The following BRD4 variants were observed in gnomAD, a reference collection of about 807,000 sequenced individuals.
BRD4 encodes bromodomain containing 4.
Under a neutral mutation model 142.1 loss-of-function variants are expected in BRD4, and 16 were observed. The ratio of observed to expected loss-of-function variants is 0.11; its 90% CI spans 0.08 to 0.17. The LOEUF (loss-of-function observed/expected upper bound fraction) is 0.17, where lower values mean the gene tolerates loss of function less well. Among genes scored for constraint, BRD4 ranks in the 10% least tolerant of loss-of-function variants. BRD4 has a pLI of 1.00. For synonymous variants in BRD4, 833 were observed against 707.5 expected (o/e 1.18, Z -2.82); for missense variants, 1,424 against 1,810.9 (o/e 0.79, Z 3.88).
At chr19:15,248,555 G>A in intron 11 of BRD4, 1 of 224,580 alleles carries the variant, frequency 4.5e-6, no homozygotes, top group Admixed American at 5.7e-5. Context: ...GAAGACGGAG[G>A]CCAAAGAAAC....
At chr19:15,319,097 CAAAG>C (rs1355926259) in intron 1 of BRD4, among the ~76,000 whole-genome samples, 4 of 152,146 alleles carry the variant, frequency 2.6e-5, no homozygotes, top group Non-Finnish European at 4.4e-5. Flanking sequence ...GTCTGGGAGA[CAAAG>C]AAGGCAGGAG....
In BRD4 at chr19:15,263,462, G is replaced by A. The variant is rs977793479; in HGVS notation, c.1299C>T (p.Asn433=). 3 of 1,614,102 alleles carry A rather than the reference G, an allele frequency of 1.9e-6. No homozygotes were observed. Among genetic ancestry groups the A allele is most frequent in the Non-Finnish European group, 2.5e-6 (3 of 1,180,042 alleles). The change falls in exon 7 of 20, where the codon AAC becomes AAT. Residue 433 remains asparagine (N), a synonymous_variant. Transcript: ENST00000679869. ...TGGCCACCACCTCATGGTCAGGAGG[G>A]TTGTACTTATAGCAGTTGGAGAACA... ...RLMFSNCYKY[N]PPDHEVVAMA... is the part of the protein sequence containing the mutation.
chr19:15,244,941 G>C (rs2047272679), intron 11 of BRD4, 179 bp from the exon 12 acceptor site: 10 of 1,117,956 alleles, frequency 8.9e-6, no homozygotes, highest in Admixed American at 8.1e-5. Context: ...AGACATGCGA[G>C]GCATCACCTA....
At chr19:15,293,921 T>G (rs988688064) in intron 1 of BRD4, among the ~76,000 whole-genome samples, 1 of 152,200 alleles carries the variant, frequency 6.6e-6, no homozygotes, top group Non-Finnish European at 1.5e-5. Flanking sequence ...GTCTGACTTC[T>G]TTCTCTTAGC....
intron 1 of BRD4, among the ~76,000 whole-genome samples, chr19:15,326,762 C>A (rs2048111761): frequency 6.6e-6 from 1 of 152,194 alleles, no homozygotes; most frequent in Non-Finnish European, 1.5e-5. Flanking sequence ...GGCTGCTCTG[C>A]CCTCACCCTG....
intron 1 of BRD4, among the ~76,000 whole-genome samples, chr19:15,325,886 T>A (rs35436857): frequency 6.7e-6 from 1 of 148,346 alleles, no homozygotes; most frequent in Non-Finnish European, 1.5e-5. Context: ...TAATCCTAGC[T>A]ACTAAGGAGG....
At chr19:15,287,021 A>C (rs1282717534) in intron 1 of BRD4, among the ~76,000 whole-genome samples, 7 of 152,210 alleles carry the variant, frequency 4.6e-5, no homozygotes, top group Non-Finnish European at 5.9e-5. Flanking sequence ...TTCCACACCT[A>C]CCACTTTTAT....
Position 15,238,574 on chromosome 19 carries a change from C to A in BRD4, c.4021-129G>T, listed in dbSNP as rs549457590. The A allele has an allele frequency of 2.6e-6, 4 of 1,528,206 alleles. No individual in the cohort carries two copies. In the Admixed American group the frequency reaches 6.1e-5, roughly 23 times the overall value. The allele number at this position is 1,528,206 out of a possible 1,614,324, so 94.7% of individuals were successfully genotyped here. On this transcript the variant is annotated intron_variant, in intron 19 of 19. Coordinates refer to ENST00000679869, the MANE Select transcript of BRD4 (RefSeq NM_001379291.1). This position sits in a 1 kb window ranked among gnomAD's most constrained non-coding sequence, Gnocchi z 7.2. ...GGCTGACCCCTCATAGCGCTCACCC[C>A]GTCCACACAGCACTCAGGGCCCTAC...
At chr19:15,322,269 T>TA (rs2144995797) in intron 1 of BRD4, among the ~76,000 whole-genome samples, 2 of 152,254 alleles carry the variant, frequency 1.3e-5, no homozygotes, top group South Asian at 4.1e-4. Context: ...GGTTTTGTTT[T>TA]GTTTTGTTTT....
intron 1 of BRD4, among the ~76,000 whole-genome samples, chr19:15,303,502 G>C (rs568311963): frequency 1.3e-5 from 2 of 152,284 alleles, no homozygotes; most frequent in South Asian, 4.2e-4. Flanking sequence ...GAGGAGAAAA[G>C]TAGCCTTAAA....
intron 1 of BRD4, among the ~76,000 whole-genome samples, chr19:15,318,529 G>A (rs1568411053): frequency 6.6e-6 from 1 of 152,188 alleles, no homozygotes; most frequent in Non-Finnish European, 1.5e-5. Context: ...CTGAAGAATG[G>A]TAGTTTCCCA....
intron 1 of BRD4, among the ~76,000 whole-genome samples, chr19:15,299,618 T>TAG (rs1174216444): frequency 1.3e-5 from 2 of 152,192 alleles, no homozygotes; most frequent in Non-Finnish European, 2.9e-5. Flanking sequence ...TGGACACATG[T>TAG]AGAGACACAC....
In BRD4 at chr19:15,250,895, C is replaced by T. The variant is rs551556167; in HGVS notation, c.2158+3257G>A. Among the ~76,000 whole-genome samples, 157 of 152,324 alleles carry T rather than the reference C, an allele frequency of 1.0e-3. 1 individual carries two copies. The highest frequency in any genetic ancestry group is 3.1e-3 in the African/African-American group (130 of 41,560). ...ACCTGGGACAGTGTCTTCCTCCAGC[C>T]TGCTCCACCCAGGTCTGCAGATGCC... On this transcript the variant is annotated intron_variant, in intron 11 of 19. Coordinates refer to ENST00000679869, the MANE Select transcript of BRD4 (RefSeq NM_001379291.1).
chr19:15,251,838 T>C lies in BRD4; in HGVS notation c.2158+2314A>G, dbSNP rs1418232826. Among the ~76,000 whole-genome samples the C allele has an allele frequency of 2.0e-4, 31 of 151,904 alleles. 1 individual carries two copies. The highest frequency in any genetic ancestry group is 1.9e-3 in the Admixed American group (29 of 15,262). ...AAAGGAAAGCCCCTGCTGGCCAGGA[T>C]TGGGAAGACAAAAGGGAGCCAGGCA... On this transcript the variant is annotated intron_variant, in intron 11 of 19. Coordinates refer to ENST00000679869, the MANE Select transcript of BRD4 (RefSeq NM_001379291.1).
At chr19:15,309,678 A>G (rs150414831) in intron 1 of BRD4, among the ~76,000 whole-genome samples, 81 of 152,290 alleles carry the variant, frequency 5.3e-4, no homozygotes, top group Non-Finnish European at 9.4e-4. Flanking sequence ...GAACTGATGA[A>G]CGGATAGTGT....
At chr19:15,326,810 T>G (rs1411880848) in intron 1 of BRD4, among the ~76,000 whole-genome samples, 1 of 152,230 alleles carries the variant, frequency 6.6e-6, no homozygotes, top group Admixed American at 6.5e-5. Flanking sequence ...CAGAGTGGAC[T>G]ACATTCCATG....
chr19:15,247,851 G>C (rs2047304753), intron 11 of BRD4: 2 of 231,042 alleles, frequency 8.7e-6, no homozygotes, highest in East Asian at 1.2e-4. Context: ...AGCAGCCCAG[G>C]AACTCCTGAG....
In BRD4 at chr19:15,302,668, CAAAAAAAAAA is replaced by C. The variant is rs572714842; in HGVS notation, c.-34-29545_-34-29536del. On this transcript the variant is annotated intron_variant, in intron 1 of 19. Coordinates refer to ENST00000679869, the MANE Select transcript of BRD4 (RefSeq NM_001379291.1). The stretch of plus-strand genomic sequence containing the variant: ...TGGACAACTGAGCAAGACTCCGACT[CAAAAAAAAAA>C]AAAAAAAAAAAAAAAAGGATTAAAA... 3.0e-4 allele frequency among the ~76,000 whole-genome samples: 17 copies of C among 56,786 alleles called. No homozygotes were observed. In the South Asian group the frequency reaches 6.3e-3, roughly 21 times the overall value. The allele number at this position is 56,786 out of a possible 152,430, so 37.3% of individuals were successfully genotyped here. A position where few individuals can be genotyped will look rare whatever the true frequency, so the allele number is the denominator to read the frequency against.
chr19:15,330,339 C>T (rs2048146239), intron 1 of BRD4, among the ~76,000 whole-genome samples: 1 of 152,152 alleles, frequency 6.6e-6, no homozygotes, highest in South Asian at 2.1e-4. Context: ...TCAATGGAAA[C>T]CCTGAGTGGT....
Sources: gnomAD v4.1 joint callset for allele counts (sites outside exome capture counted in the v4.1 genomes callset) on GRCh38, gnomAD v4.1.1 for gene constraint, Gnocchi (gnomAD v3.1) non-coding constraint, MANE v1.5 for transcripts, NCBI Gene and HGNC (gene_info 2026-07-23, HGNC 2026-07-21) for gene names.